The following MEIG1 variants were observed in gnomAD, a reference collection of about 807,000 sequenced individuals.
MEIG1 encodes the protein meiosis expressed gene 1 protein homolog.
MEIG1 carries 12 observed loss-of-function variants against 11.3 expected under a neutral mutation model. The observed-to-expected ratio is 1.07, with a 90% CI of 0.68 to 1.73. The LOEUF (loss-of-function observed/expected upper bound fraction) is 1.73, where lower values mean the gene tolerates loss of function less well. Ranked by LOEUF, MEIG1 falls within the 40% of genes most tolerant of loss-of-function variation. MEIG1 has a pLI of 0.00. For missense variants in MEIG1, 119 were observed against 104.9 expected, an observed-to-expected ratio of 1.13 and a Z score of -0.59; for synonymous variants, 41 against 33.2, an observed-to-expected ratio of 1.24 and a Z score of -0.81.
downstream of MEIG1, among the ~76,000 whole-genome samples, chr10:14,974,543 G>GGT (rs1843190406): frequency 5.9e-5 from 9 of 152,154 alleles, no homozygotes; most frequent in South Asian, 1.9e-3. Context: ...CCCCGTTTTG[G>GGT]GTCGTAAACC....
chr10:14,987,209 G>A (rs554751081), intron 2 of MEIG1: 22 of 969,974 alleles, frequency 2.3e-5, no homozygotes, highest in Non-Finnish European at 3.2e-5. Context: ...AACCGTGGCC[G>A]AAGTGAACCC....
intron 1 of MEIG1, among the ~76,000 whole-genome samples, chr10:14,965,564 T>G (rs564630013): frequency 6.6e-6 from 1 of 152,206 alleles, no homozygotes; most frequent in East Asian, 1.9e-4. Flanking sequence ...GTAAATGAAT[T>G]GCAGCAATTG....
upstream of MEIG1, chr10:14,954,460 AAC>A (rs1842881857): frequency 1.1e-5 from 3 of 284,848 alleles, no homozygotes; most frequent in African/African-American, 6.5e-5. Flanking sequence ...GCTAGCCTGA[AAC>A]CCGAGCTCAG....
chr10:14,975,816 G>A (rs866488530), downstream of MEIG1, among the ~76,000 whole-genome samples: 2 of 152,096 alleles, frequency 1.3e-5, no homozygotes. Flanking sequence ...CAGTGATATT[G>A]GTCCTAATTT....
At chr10:14,986,973 C>A (rs1437040277) in exon 2 of MEIG1, 1 of 689,998 alleles carries the variant, frequency 1.4e-6, no homozygotes, top group African/African-American at 1.8e-5. Flanking sequence ...GGGAATCCAA[C>A]AGGCTAAGGA....
At chr10:14,955,557 G>T (rs746751655), upstream of MEIG1, among the ~76,000 whole-genome samples, 3 of 152,000 alleles carry the variant, frequency 2.0e-5, no homozygotes, top group Non-Finnish European at 4.4e-5. Context: ...TACAAAAATC[G>T]GCCGGGCATG....
intron 1 of MEIG1, among the ~76,000 whole-genome samples, chr10:14,960,338 A>G (rs1842997869): frequency 6.6e-6 from 1 of 152,192 alleles, no homozygotes; most frequent in Non-Finnish European, 1.5e-5. Flanking sequence ...GTGAAAAGGG[A>G]ATTTGGGTGG....
intron 1 of MEIG1, among the ~76,000 whole-genome samples, chr10:14,962,542 T>C (rs1000187447): frequency 3.0e-4 from 45 of 152,328 alleles, no homozygotes; most frequent in Middle Eastern, 3.4e-3. Context: ...CATTTTTATG[T>C]ATAGTTGCCA....
intron 1 of MEIG1, among the ~76,000 whole-genome samples, chr10:14,980,622 G>A (rs1843253485): frequency 6.6e-6 from 1 of 152,144 alleles, no homozygotes; most frequent in Non-Finnish European, 1.5e-5. Context: ...GCACCCGACT[G>A]ACCTGGGGTG....
chr10:14,976,407 G>C (rs1484398777), downstream of MEIG1, among the ~76,000 whole-genome samples: 3 of 152,094 alleles, frequency 2.0e-5, no homozygotes, highest in Admixed American at 1.3e-4. Flanking sequence ...ACCTTGTGGT[G>C]TTATTCTTAT....
chr10:14,978,334 T>G (rs1292607601), intron 1 of MEIG1, among the ~76,000 whole-genome samples: 1 of 152,014 alleles, frequency 6.6e-6, no homozygotes, highest in Non-Finnish European at 1.5e-5. Context: ...CATAATATCC[T>G]TGGAAAATGG....
At chr10:14,969,823 G>A (rs555976774) in intron 2 of MEIG1, among the ~76,000 whole-genome samples, 3 of 152,156 alleles carry the variant, frequency 2.0e-5, no homozygotes, top group South Asian at 4.1e-4. Flanking sequence ...GCGACAGAGC[G>A]AGACTCCCCC....
chr10:14,974,750 C>A (rs1459161068), downstream of MEIG1, among the ~76,000 whole-genome samples: 1 of 151,910 alleles, frequency 6.6e-6, no homozygotes, highest in Non-Finnish European at 1.5e-5. Context: ...TGATTAATGA[C>A]ACCTGATATT....
chr10:14,969,007 G>T (rs1843119893), intron 2 of MEIG1, among the ~76,000 whole-genome samples: 1 of 152,122 alleles, frequency 6.6e-6, no homozygotes, highest in African/African-American at 2.4e-5. Context: ...GAAACCAGGA[G>T]GTGGAGGTTG....
downstream of MEIG1, among the ~76,000 whole-genome samples, chr10:14,974,420 C>T (rs180734312): frequency 6.6e-6 from 1 of 152,176 alleles, no homozygotes; most frequent in Non-Finnish European, 1.5e-5. Flanking sequence ...ATTGTTTTCC[C>T]AGTTGAGAAG....
chr10:14,977,238 G>C (rs565420875), downstream of MEIG1, among the ~76,000 whole-genome samples: 8 of 152,064 alleles, frequency 5.3e-5, no homozygotes, highest in South Asian at 1.5e-3. Flanking sequence ...TAATATTCTA[G>C]CGAGATGATA....
intron 2 of MEIG1, among the ~76,000 whole-genome samples, chr10:14,972,305 G>A (rs562675076): frequency 6.6e-6 from 1 of 152,260 alleles, no homozygotes; most frequent in East Asian, 1.9e-4. Flanking sequence ...ATGAGCTACT[G>A]CACTCGGCCT....
At chr10:14,964,338 A>G (rs1843051867) in intron 1 of MEIG1, among the ~76,000 whole-genome samples, 1 of 151,926 alleles carries the variant, frequency 6.6e-6, no homozygotes, top group Non-Finnish European at 1.5e-5. Context: ...AAATTCAGCA[A>G]GTCTGTCTAT....
intron 1 of MEIG1, among the ~76,000 whole-genome samples, chr10:14,961,996 G>C (rs980563730): frequency 1.3e-5 from 2 of 151,734 alleles, no homozygotes; most frequent in African/African-American, 2.4e-5. Flanking sequence ...GTAGAGATAG[G>C]GTCTCACTAC....
Sources: allele counts gnomAD v4.1 joint callset (sites outside exome capture counted in the v4.1 genomes callset), GRCh38; gene constraint gnomAD v4.1.1; transcripts MANE v1.5; gene names NCBI Gene and HGNC (gene_info 2026-07-23, HGNC 2026-07-21).